The following KLHL8 variants were observed in gnomAD, a reference collection of about 807,000 sequenced individuals.
KLHL8 encodes kelch like family member 8.
KLHL8 carries 38 observed loss-of-function variants against 63.5 expected under a neutral mutation model. The observed-to-expected ratio is 0.60, with a 90% confidence interval of 0.46 to 0.78. KLHL8 has a LOEUF of 0.78. Ranked by LOEUF, KLHL8 falls within the 30% of genes least tolerant of loss-of-function variation. KLHL8 has a pLI of 0.00. For synonymous variants in KLHL8, 224 were observed against 254.3 expected, an observed-to-expected ratio of 0.88 and a Z score of 1.13; for missense variants, 566 against 752.4, an observed-to-expected ratio of 0.75 and a Z score of 2.90.
chr4:87,208,024 T>C, intron 1 of KLHL8: 1 of 680,668 alleles, frequency 1.5e-6, no homozygotes, highest in Non-Finnish European at 2.7e-6. Context: ...CATTTCTTGG[T>C]ATAGCGATGA....
chr4:87,178,561 A>T lies in KLHL8; in HGVS notation c.1012T>A (p.Cys338Ser). ...GSGDPFRSIE[C>S]YSINKNSWFF... ...CAACTGTTTTTGTTGATAGAATAGC[A>T]TTCAATACTGCGAAAGGGGTCACCA... The change falls in exon 5 of 10, where the codon TGC (cysteine) becomes AGC (serine). Residue 338 changes from cysteine to serine, a missense_variant. Physicochemically the swap from Cys to Ser is moderately radical, Grantham distance 112 (BLOSUM62 -1). Coordinates refer to ENST00000273963, the MANE Select transcript of KLHL8 (RefSeq NM_020803.5). 6.2e-7 allele frequency: 1 copy of T among 1,611,806 alleles called. No individual in the cohort carries two copies. The highest frequency in any genetic ancestry group is 8.5e-7 in the Non-Finnish European group (1 of 1,179,592).
chr4:87,214,413 C>CAGATAT (rs1732511367), intron 1 of KLHL8, among the ~76,000 whole-genome samples: 1 of 45,330 alleles, frequency 2.2e-5, no homozygotes, highest in Admixed American at 3.4e-4. Flanking sequence ...TGGCACATAA[C>CAGATAT]AGATATATAT....
chr4:87,177,190 A>G (rs1348155862), intron 5 of KLHL8, among the ~76,000 whole-genome samples: 2 of 152,174 alleles, frequency 1.3e-5, no homozygotes, highest in African/African-American at 4.8e-5. Flanking sequence ...AATAAAATGG[A>G]AAAATGCTCT....
In KLHL8 at chr4:87,186,481, CT is replaced by C. The variant is rs753634845; in HGVS notation, c.217-683del. Among the ~76,000 whole-genome samples, 1,291 of 134,376 alleles carry C rather than the reference CT, an allele frequency of 9.6e-3. 3 individuals carry two copies. The highest frequency in any genetic ancestry group is 0.02 in the Middle Eastern group (5 of 256). 88.2% of individuals were successfully genotyped at this position (134,376 alleles called of 152,430 possible). A position where few individuals can be genotyped will look rare whatever the true frequency, so the allele number is the denominator to read the frequency against. On this transcript the variant is annotated intron_variant, in intron 2 of 9. Coordinates refer to ENST00000273963, the MANE Select transcript of KLHL8 (RefSeq NM_020803.5). ...TACATGCCAACCACTATTGTAAGTG[CT>C]TTTTTTTTTTTTTTTGAAATAGGGT... is the stretch of plus-strand genomic sequence containing the variant.
At chr4:87,182,833 C>CTTGG (rs1731106407) in intron 4 of KLHL8, among the ~76,000 whole-genome samples, 1 of 152,082 alleles carries the variant, frequency 6.6e-6, no homozygotes, top group Non-Finnish European at 1.5e-5. Flanking sequence ...AAGTTCCATG[C>CTTGG]TTGGCCCTAG....
chr4:87,195,501 A>AT lies in KLHL8; in HGVS notation c.38dup (p.Asn13LysfsTer22), dbSNP rs1463041162. On this transcript the variant is annotated frameshift_variant, in exon 2 of 10. Transcript: ENST00000273963. LOFTEE classifies it high-confidence loss of function. ...GTTGCCTTTTCCCCTTTGTAATGTGATTCCTAGCTTGTTTACTACTCATAG... is the reference window on the plus strand; with the variant it reads ...GTTGCCTTTTCCCCTTTGTAATGTGATTTCCTAGCTTGTTTACTACTCATAG... 18 of 1,613,514 alleles carry AT rather than the reference A, an allele frequency of 1.1e-5. No individual in the cohort carries two copies. Among genetic ancestry groups the AT allele is most frequent in the Non-Finnish European group, 1.5e-5 (18 of 1,179,920 alleles).
At chr4:87,189,628 AC>A (rs934860519) in intron 2 of KLHL8, among the ~76,000 whole-genome samples, 3 of 150,924 alleles carry the variant, frequency 2.0e-5, no homozygotes, top group African/African-American at 7.3e-5. Flanking sequence ...GCCCGCTCCC[AC>A]TCTGTGGAGT....
At chr4:87,238,282 A>C (rs1413079978) in intron 1 of KLHL8, among the ~76,000 whole-genome samples, 3 of 152,200 alleles carry the variant, frequency 2.0e-5, no homozygotes, top group Non-Finnish European at 4.4e-5. Context: ...TTTCTCACCA[A>C]GCATATTTGT....
In KLHL8 at chr4:87,220,410, C is replaced by A. The variant is rs1732788658; in HGVS notation, c.-152+8G>T. 6.6e-6 allele frequency: 1 copy of A among 152,270 alleles called. No homozygotes were observed. Among genetic ancestry groups the A allele is most frequent in the Non-Finnish European group, 1.5e-5 (1 of 68,114 alleles). The allele number at this position is 152,270 out of a possible 1,614,324, so 9.4% of individuals were successfully genotyped here. On this transcript the variant is annotated splice_region_variant and intron_variant, in intron 1 of 9. Coordinates refer to ENST00000273963, the MANE Select transcript of KLHL8 (RefSeq NM_020803.5). ...GAGGGGACTGAGGGGAGACGAGCGT[C>A]CCGTTACCTCGATCCTCGACCCTGT...
chr4:87,187,048 C>T (rs1299545009), intron 2 of KLHL8, among the ~76,000 whole-genome samples: 1 of 151,680 alleles, frequency 6.6e-6, no homozygotes, highest in African/African-American at 2.4e-5. Flanking sequence ...TATGCTATTA[C>T]AAATAGCACA....
chr4:87,218,625 A>C (rs565754162), intron 1 of KLHL8, among the ~76,000 whole-genome samples: 2 of 152,280 alleles, frequency 1.3e-5, no homozygotes, highest in Non-Finnish European at 2.9e-5. Flanking sequence ...AGAATATATC[A>C]TCTTAACCAA....
intron 8 of KLHL8, among the ~76,000 whole-genome samples, chr4:87,168,921 G>A (rs187286570): frequency 6.8e-5 from 10 of 146,518 alleles, no homozygotes; most frequent in East Asian, 4.0e-4. Flanking sequence ...GGGTTAAAGC[G>A]TTAAACCTGC....
chr4:87,223,901 C>G (rs1461415135), upstream of KLHL8, among the ~76,000 whole-genome samples: 1 of 152,098 alleles, frequency 6.6e-6, no homozygotes, highest in Non-Finnish European at 1.5e-5. Context: ...TGAGAATAAG[C>G]AAGACTAGCC....
At chr4:87,180,427 C>G (rs1731006308) in intron 4 of KLHL8, among the ~76,000 whole-genome samples, 1 of 152,204 alleles carries the variant, frequency 6.6e-6, no homozygotes, top group South Asian at 2.1e-4. Context: ...ACTTTCTCTA[C>G]AAAACCTTTT....
intron 4 of KLHL8, among the ~76,000 whole-genome samples, chr4:87,178,893 CCAAT>C (rs1235883912): frequency 6.6e-6 from 1 of 152,142 alleles, no homozygotes; most frequent in Non-Finnish European, 1.5e-5. Context: ...CGTAACAAAA[CCAAT>C]CAGCCTCTAA....
chr4:87,196,554 T>G (rs1005903487), intron 1 of KLHL8, among the ~76,000 whole-genome samples: 5 of 152,194 alleles, frequency 3.3e-5, no homozygotes, highest in African/African-American at 1.2e-4. Flanking sequence ...ATTAAAAATA[T>G]TTTACTGCCA....
Position 87,167,157 on chromosome 4 carries a change from G to A in KLHL8, c.1537+2922C>T, listed in dbSNP as rs548845858. 190 of 503,178 alleles carry A rather than the reference G, an allele frequency of 3.8e-4. 2 individuals are homozygous for A. The highest frequency in any genetic ancestry group is 3.2e-3 in the South Asian group (182 of 57,472). The allele number at this position is 503,178 out of a possible 1,614,324, so 31.2% of individuals were successfully genotyped here. ...TTTTATCAAGATAAAAGGATTTGTC[G>A]CAGAAGAAAGGAAACATTACACTGT... On this transcript the variant is annotated intron_variant, in intron 8 of 9. Coordinates refer to ENST00000273963, the MANE Select transcript of KLHL8 (RefSeq NM_020803.5).
Position 87,164,098 on chromosome 4 carries a change from T to A in KLHL8, c.1538-19A>T. 1 of 1,587,166 alleles carries A rather than the reference T, an allele frequency of 6.3e-7. No individual in the cohort carries two copies. The highest frequency in any genetic ancestry group is 8.7e-7 in the Non-Finnish European group (1 of 1,155,728). On this transcript the variant is annotated intron_variant, in intron 8 of 9. Coordinates refer to ENST00000273963, the MANE Select transcript of KLHL8 (RefSeq NM_020803.5). ...AAACCACCTATGTAAAGAAATATTT[T>A]AAAAACAGCATTACATTCCTTAGAA...
In KLHL8 at chr4:87,220,519, C is replaced by A. The variant is rs1403804962; in HGVS notation, c.-253G>T. ...CCTCAGCGGAACCTCACCAACCCCG[C>A]GCGAGCACCCGGCGGACGCGCGCTC... On this transcript the variant is annotated 5_prime_UTR_variant, in exon 1 of 10. Coordinates refer to ENST00000273963, the MANE Select transcript of KLHL8 (RefSeq NM_020803.5). The A allele has an allele frequency of 6.6e-6, 1 of 152,178 alleles. No homozygotes were observed. The highest frequency in any genetic ancestry group is 1.9e-4 in the East Asian group (1 of 5,192). The allele number at this position is 152,178 out of a possible 1,614,324, so 9.4% of individuals were successfully genotyped here.
Sources: allele counts gnomAD v4.1 joint callset (sites outside exome capture counted in the v4.1 genomes callset), GRCh38; gene constraint gnomAD v4.1.1; transcripts MANE v1.5; gene names NCBI Gene and HGNC (gene_info 2026-07-23, HGNC 2026-07-21).